Variants in BTBD2 observed in about 807,000 individuals in gnomAD.
The protein encoded by BTBD2 is BTB/POZ domain-containing protein 2.
BTBD2 carries 15 observed loss-of-function variants against 44.0 expected under a neutral mutation model. The observed-to-expected ratio is 0.34, with a 90% CI of 0.23 to 0.53. The LOEUF is 0.53. Among genes scored for constraint, BTBD2 ranks in the 20% least tolerant of loss-of-function variants. The pLI is 0.95. For synonymous variants in BTBD2, 443 were observed against 335.9 expected (o/e 1.32, Z -3.49); for missense variants, 657 against 746.4 (o/e 0.88, Z 1.39).
At position 1,986,964 on chromosome 19, in the gene BTBD2, C is replaced by T. The variant is rs376970283; in HGVS notation, c.1282G>A (p.Asp428Asn). The T allele has an allele frequency of 5.0e-6, 8 of 1,612,166 alleles. No homozygotes were observed. The highest frequency in any genetic ancestry group is 3.3e-5 in the Admixed American group (2 of 59,896). ...TTCTGGCCCAAGACGGTGTTGCTAT[C>T]GGTGTGAATAATCTGCGGGGAGGTG... ...YQVNIQIIHT[D>N]SNTVLGQNDT... Residue 428 changes from aspartate to asparagine, a missense_variant, in exon 8 of 9, where the codon GAT becomes AAT. Transcript: ENST00000255608.
At chr19:1,991,787 C>G (rs1024756801) in intron 3 of BTBD2, 2 of 152,642 alleles carry the variant, frequency 1.3e-5, no homozygotes, top group Non-Finnish European at 2.9e-5. Flanking sequence ...CTCAGCCTCC[C>G]TGGCCTGCAC....
intron 1 of BTBD2, among the ~76,000 whole-genome samples, chr19:2,004,952 T>A (rs1041559717): frequency 6.6e-6 from 1 of 151,954 alleles, no homozygotes; most frequent in Non-Finnish European, 1.5e-5. Flanking sequence ...CCCGAGTAGC[T>A]GGGACTACAG....
intron 2 of BTBD2, among the ~76,000 whole-genome samples, chr19:1,996,702 A>G (rs1403578285): frequency 2.6e-5 from 4 of 151,734 alleles, no homozygotes; most frequent in Admixed American, 2.6e-4. Flanking sequence ...TGGCCAACAT[A>G]GAGAAACGCT....
intron 1 of BTBD2, among the ~76,000 whole-genome samples, chr19:2,010,695 A>G (rs1439605174): frequency 1.3e-5 from 2 of 148,780 alleles, no homozygotes; most frequent in Non-Finnish European, 3.0e-5. Context: ...GCTGGAGTGC[A>G]GTGGCGCAAT....
At chr19:2,000,042 C>T (rs934799658) in intron 1 of BTBD2, among the ~76,000 whole-genome samples, 3 of 152,038 alleles carry the variant, frequency 2.0e-5, no homozygotes, top group East Asian at 1.9e-4. Context: ...TGGAGCGATG[C>T]GGCCACAGGC....
chr19:1,998,338 G>A (rs1202120256), intron 1 of BTBD2, among the ~76,000 whole-genome samples: 1 of 152,242 alleles, frequency 6.6e-6, no homozygotes, highest in African/African-American at 2.4e-5. Context: ...GGTCCCATCA[G>A]GAACGCAAGG....
chr19:2,015,203 TCTCGGGGACAGAGGGGTGCAGGGC>T, intron 1 of BTBD2, 70 bp downstream of exon 1: 3 of 1,324,368 alleles, frequency 2.3e-6, no homozygotes, highest in Non-Finnish European at 2.9e-6. Flanking sequence ...GGTGCGGGGG[TCTCGGGGACAGAGGGGTGCAGGGC>T]CTCAGGTGCA....
intron 1 of BTBD2, among the ~76,000 whole-genome samples, chr19:2,001,928 A>G (rs1290795989): frequency 6.8e-6 from 1 of 146,970 alleles, no homozygotes; most frequent in Non-Finnish European, 1.5e-5. Flanking sequence ...TTTAGTAGAG[A>G]TGGGGTTTCA....
At chr19:1,995,486 G>T (rs2016239205) in intron 2 of BTBD2, among the ~76,000 whole-genome samples, 1 of 145,856 alleles carries the variant, frequency 6.9e-6, no homozygotes, top group Non-Finnish European at 1.5e-5. Context: ...GTTTCACCGT[G>T]TTAGCCAGGA....
chr19:2,013,995 G>A (rs80099718), intron 1 of BTBD2: 8,609 of 150,524 alleles, frequency 0.057, 305 homozygotes, highest in East Asian at 0.12. Context: ...TGGGGGTTAC[G>A]GACTGAGGTG....
At chr19:1,989,677 T>C (rs2016144778) in intron 5 of BTBD2, 1 of 381,050 alleles carries the variant, frequency 2.6e-6, no homozygotes, top group Non-Finnish European at 5.0e-6. Context: ...CCTCCTGAGC[T>C]CGTCACAGAC....
intron 5 of BTBD2, chr19:1,989,784 G>C: frequency 3.4e-6 from 2 of 589,536 alleles, no homozygotes; most frequent in Non-Finnish European, 3.0e-6. Flanking sequence ...AGACACGAGA[G>C]GCGGGGTCTG....
intron 1 of BTBD2, among the ~76,000 whole-genome samples, chr19:2,004,045 G>C (rs1488314701): frequency 6.6e-6 from 1 of 151,572 alleles, no homozygotes; most frequent in Non-Finnish European, 1.5e-5. Flanking sequence ...GCTGCCTTTG[G>C]AAAGGCTCAT....
Position 1,990,091 on chromosome 19 carries a change from C to G in BTBD2, c.901G>C (p.Val301Leu), listed in dbSNP as rs1026765572. ...EAECQRQQLQ[V>L]TPENRRKVLG... ...ACCTTCCGCCTGTTCTCTGGCGTCA[C>G]CTGCAGCTGCTGCCGCTGACACTCG... Residue 301 changes from valine to leucine, a missense_variant, in exon 5 of 9, where the codon GTG (valine) becomes CTG (leucine). Physicochemically the swap from Val to Leu is conservative, Grantham distance 32 (BLOSUM62 1). Transcript: ENST00000255608. 6.2e-6 allele frequency: 10 copies of G among 1,612,898 alleles called. No individual in the cohort carries two copies. The highest frequency in any genetic ancestry group is 8.5e-6 in the Non-Finnish European group (10 of 1,180,004).
At chr19:2,013,696 T>A (rs1423407936) in intron 1 of BTBD2, 1 of 981,994 alleles carries the variant, frequency 1.0e-6, no homozygotes, top group Non-Finnish European at 1.2e-6. Context: ...TGATCTGGAC[T>A]GCAGGGCGGG....
chr19:1,993,243 G>A lies in BTBD2; in HGVS notation c.528-67C>T, dbSNP rs568837462. The A allele has an allele frequency of 3.6e-4, 549 of 1,530,558 alleles. 4 individuals carry two copies. In the African/African-American group the frequency reaches 6.6e-3, roughly 18 times the overall value. 94.8% of individuals were successfully genotyped at this position (1,530,558 alleles called of 1,614,324 possible). A position where few individuals can be genotyped will look rare whatever the true frequency, so the allele number is the denominator to read the frequency against. On this transcript the variant is annotated intron_variant, in intron 2 of 8. Transcript: ENST00000255608. Reference sequence around the variant, plus strand: ...GCCCGCCCCCAGGGGAGAGCGTCAGGGGACCACTCAGACCGTTAGACTCGG... The same window carrying A: ...GCCCGCCCCCAGGGGAGAGCGTCAGAGGACCACTCAGACCGTTAGACTCGG...
At chr19:1,999,516 A>G (rs901339988) in intron 1 of BTBD2, among the ~76,000 whole-genome samples, 3 of 152,158 alleles carry the variant, frequency 2.0e-5, no homozygotes, top group Admixed American at 2.0e-4. Flanking sequence ...AACATTGAAA[A>G]TTAGCCAGGC....
At chr19:2,011,332 T>A (rs1034791795) in intron 1 of BTBD2, among the ~76,000 whole-genome samples, 18 of 152,048 alleles carry the variant, frequency 1.2e-4, no homozygotes, top group Admixed American at 7.9e-4. Context: ...GTCTCCTGCC[T>A]GGAGTCTGCA....
chr19:1,997,390 T>C lies in BTBD2; in HGVS notation c.481A>G (p.Ile161Val), dbSNP rs2016265637. 1 of 1,613,960 alleles carries C rather than the reference T, an allele frequency of 6.2e-7. No homozygotes were observed. The highest frequency in any genetic ancestry group is 1.7e-5 in the Admixed American group (1 of 59,972). The change falls in exon 2 of 9, where the codon ATT becomes GTT. Residue 161 changes from isoleucine (I) to valine (V), a missense_variant. Ile to Val is a conservative substitution (Grantham distance 29). Coordinates refer to ENST00000255608, the MANE Select transcript of BTBD2 (RefSeq NM_017797.4). ...GCGGGTTCCACGTCGGGCAGCTCAA[T>C]CTCCGTGGATGTTGTGGCCATTCCC... ...NGGMATTSTE[I>V]ELPDVEPAAF...
Sources: gnomAD v4.1 joint callset for allele counts (sites outside exome capture counted in the v4.1 genomes callset) on GRCh38, gnomAD v4.1.1 for gene constraint, MANE v1.5 for transcripts, NCBI Gene and HGNC (gene_info 2026-07-23, HGNC 2026-07-21) for gene names.